Variants in ARMC5 observed in about 807,000 individuals in gnomAD.
ARMC5 encodes armadillo repeat containing 5.
A neutral mutation model predicts 60.5 loss-of-function variants in ARMC5; 28 were observed. The ratio of observed to expected loss-of-function variants is 0.46; its 90% CI spans 0.34 to 0.63. ARMC5 has a LOEUF of 0.63. Ranked by LOEUF, ARMC5 falls within the 30% of genes least tolerant of loss-of-function variation. The pLI is 0.01. For missense variants in ARMC5, 1,189 were observed against 1,304.9 expected (o/e 0.91, Z 1.37); for synonymous variants, 680 against 607.3 (o/e 1.12, Z -1.76).
In ARMC5 at chr16:31,466,631, G is replaced by A. The variant is rs2082362921; in HGVS notation, c.2550G>A (p.Glu850=). The A allele has an allele frequency of 6.3e-7, 1 of 1,598,226 alleles. No individual in the cohort carries two copies. Among genetic ancestry groups the A allele is most frequent in the Non-Finnish European group, 8.5e-7 (1 of 1,172,862 alleles). ...GRFLLPGLEE[E]LEEAVGRIHL... ...TCCTACTGCCTGGGCTGGAGGAGGA[G>A]CTGGAAGAGGCCGTGGGCCGCATCC... The change falls in exon 6 of 6, where the codon GAG becomes GAA. Residue 850 remains glutamate, a synonymous_variant. Transcript: ENST00000268314. This position sits in a 1 kb window ranked among gnomAD's most constrained non-coding sequence, Gnocchi z 8.0.
chr16:31,464,443 C>G lies in ARMC5; in HGVS notation c.1420C>G (p.Pro474Ala), dbSNP rs1298369153. The G allele has an allele frequency of 4.4e-6, 7 of 1,579,598 alleles. No individual in the cohort carries two copies. The highest frequency in any genetic ancestry group is 4.3e-6 in the Non-Finnish European group (5 of 1,165,804). ...TGCCACAGGCCCTGATGACATCTCC[C>G]CCGACTGGTCTCCTGAGCAGTGTCC... is the stretch of plus-strand genomic sequence containing the variant. ...GYATGPDDIS[P>A]DWSPEQCPPE... Residue 474 changes from proline (P) to alanine (A), a missense_variant, in exon 4 of 6, where the codon CCC (proline) becomes GCC (alanine). By Grantham distance (27) the Pro-to-Ala change is conservative (BLOSUM62 -1). Transcript: ENST00000268314. The surrounding 1 kb of genome is among the most constrained non-coding windows in gnomAD (Gnocchi z 7.6).
intron 4 of ARMC5, chr16:31,465,541 G>A: frequency 2.1e-6 from 2 of 969,440 alleles, no homozygotes; most frequent in Non-Finnish European, 2.8e-6. Flanking sequence ...ATCTATATCT[G>A]GTATAACTAT....
chr16:31,466,110 G>A lies in ARMC5; in HGVS notation c.2029G>A (p.Glu677Lys). The change falls in exon 6 of 6, where the codon GAG becomes AAG. Residue 677 changes from glutamate to lysine, a missense_variant. This residue lies in a region of ARMC5 where 862 missense variants were observed against 1,071.2 expected (regional missense o/e 0.80). Transcript: ENST00000268314. This position sits in a 1 kb window ranked among gnomAD's most constrained non-coding sequence, Gnocchi z 8.0. ...KPSLWRRLLL[E>K]QGGLRLLLAA... is the part of the protein sequence containing the mutation. ...CTCTCTGTGGCGCCGGCTGCTTCTG[G>A]AGCAGGGTGGTCTCCGGCTCCTCCT... The A allele has an allele frequency of 6.2e-7, 1 of 1,601,978 alleles. No individual in the cohort carries two copies. The highest frequency in any genetic ancestry group is 8.5e-7 in the Non-Finnish European group (1 of 1,179,374).
intron 4 of ARMC5, 54 bp from the exon 5 acceptor site, chr16:31,465,796 C>T: frequency 6.2e-7 from 1 of 1,600,440 alleles, no homozygotes; most frequent in Non-Finnish European, 8.5e-7. Flanking sequence ...CTGTCTCACT[C>T]ACCCCACCTG....
intron 1 of ARMC5, among the ~76,000 whole-genome samples, chr16:31,460,813 G>A (rs1465423823): frequency 6.6e-6 from 1 of 152,214 alleles, no homozygotes; most frequent in Admixed American, 6.5e-5. Context: ...AACCAGCACA[G>A]TAAGAACAAA....
rs1282982657 is a variant in ARMC5 at position 31,462,888 on chromosome 16, G to T, written c.1341G>T (p.Arg447=). 1 of 1,608,494 alleles carries T rather than the reference G, an allele frequency of 6.2e-7. No individual in the cohort carries two copies. Among genetic ancestry groups the T allele is most frequent in the Admixed American group, 1.7e-5 (1 of 59,420 alleles). ...WDFPEERTPE[R]AQGGSFRSLR... is the part of the protein sequence containing the mutation. ...TTCCTGAGGAGAGGACCCCTGAGCG[G>T]GCACAGGGTGGAAGCTTCCGGAGCC... Residue 447 remains arginine (R), a synonymous_variant, in exon 3 of 6, where the codon CGG becomes CGT. Coordinates refer to ENST00000268314, the MANE Select transcript of ARMC5 (RefSeq NM_001105247.2). The surrounding 1 kb of genome is among the most constrained non-coding windows in gnomAD (Gnocchi z 7.2).
At chr16:31,463,016 T>C (rs1173327981) in intron 3 of ARMC5, 99 bp downstream of exon 3, 38 of 1,242,900 alleles carry the variant, frequency 3.1e-5, no homozygotes, top group Non-Finnish European at 4.0e-5. Context: ...CTATTCTGTC[T>C]GAATAAGACT....
Position 31,462,164 on chromosome 16 carries a change from C to T in ARMC5, c.617C>T (p.Ala206Val). The change falls in exon 3 of 6, where the codon GCC becomes GTC. Residue 206 changes from alanine (A) to valine (V), a missense_variant. Physicochemically the swap from Ala to Val is moderately conservative, Grantham distance 64 (BLOSUM62 0). Coordinates refer to ENST00000268314, the MANE Select transcript of ARMC5 (RefSeq NM_001105247.2). This position sits in a 1 kb window ranked among gnomAD's most constrained non-coding sequence, Gnocchi z 7.2. ...AVPLLVESLT[A>V]CQDSQCLQSV... ...CCCCTGCTTGTGGAGAGCCTGACAG[C>T]CTGCCAGGACTCGCAGTGCCTACAG... The T allele has an allele frequency of 6.2e-7, 1 of 1,612,682 alleles. No homozygotes were observed. The highest frequency in any genetic ancestry group is 1.1e-5 in the South Asian group (1 of 91,012).
At chr16:31,461,823 C>T (rs541784952) in intron 1 of ARMC5, 99 bp from the exon 2 acceptor site, 1 of 1,120,600 alleles carries the variant, frequency 8.9e-7, no homozygotes, top group East Asian at 2.5e-5. Flanking sequence ...TTAGCCTCTT[C>T]TGAAAGCCTT....
At position 31,462,274 on chromosome 16, in the gene ARMC5, G is replaced by A; in HGVS notation, c.727G>A (p.Ala243Thr). 6.2e-7 allele frequency: 1 copy of A among 1,609,576 alleles called. No individual in the cohort carries two copies. ...ACAGCAGGGAGCAGTGCGTCCGCTG[G>A]CCGAGCTCCTGGCCACTGCCCCAGA... ...LAQQGAVRPLAELLATAPDAA... is the reference protein window; with the variant it reads ...LAQQGAVRPLTELLATAPDAA... The change falls in exon 3 of 6, where the codon GCC becomes ACC. Residue 243 changes from alanine (A) to threonine (T), a missense_variant. This residue lies in a region of ARMC5 where 862 missense variants were observed against 1,071.2 expected (regional missense o/e 0.80). Transcript: ENST00000268314. This position sits in a 1 kb window ranked among gnomAD's most constrained non-coding sequence, Gnocchi z 7.2.
rs747250546 is a variant in ARMC5, at chr16:31,459,589, C to T, written c.65C>T (p.Ala22Val). 7.6e-5 allele frequency: 122 copies of T among 1,602,380 alleles called. No homozygotes were observed. The highest frequency in any genetic ancestry group is 9.8e-5 in the Non-Finnish European group (115 of 1,179,324). Reference sequence around the variant, plus strand: ...TTCTGCCTCGCGCAGCTCGCGGCGGCGGCCGGGGAGGCTCTGGGTGGGGAA... The same window carrying T: ...TTCTGCCTCGCGCAGCTCGCGGCGGTGGCCGGGGAGGCTCTGGGTGGGGAA... ...LSFCLAQLAA[A>V]AGEALGGEKD... The change falls in exon 1 of 6, where the codon GCG (alanine) becomes GTG (valine). Residue 22 changes from alanine to valine, a missense_variant. Coordinates refer to ENST00000268314, the MANE Select transcript of ARMC5 (RefSeq NM_001105247.2).
chr16:31,465,501 A>T, intron 4 of ARMC5: 2 of 805,338 alleles, frequency 2.5e-6, no homozygotes. Flanking sequence ...ACTACAAACT[A>T]ATGATTAATG....
chr16:31,467,027 T>C lies in ARMC5; in HGVS notation c.*138T>C. 1 of 1,168,430 alleles carries C rather than the reference T, an allele frequency of 8.6e-7. No individual in the cohort carries two copies. 72.4% of individuals were successfully genotyped at this position (1,168,430 alleles called of 1,614,324 possible). ...GAGAACATGGAACCGGACTCCAAGA[T>C]GACGATCTAAAGACCCGGGAGCGAG... On this transcript the variant is annotated 3_prime_UTR_variant, in exon 6 of 6. Transcript: ENST00000268314.
In ARMC5 at chr16:31,459,847, G is replaced by C. The variant is rs1312540780; in HGVS notation, c.323G>C (p.Gly108Ala). 2 of 1,581,494 alleles carry C rather than the reference G, an allele frequency of 1.3e-6. No individual in the cohort carries two copies. The highest frequency in any genetic ancestry group is 1.8e-5 in the Admixed American group (1 of 56,284). The change falls in exon 1 of 6, where the codon GGC becomes GCC. Residue 108 changes from glycine (G) to alanine (A), a missense_variant. Coordinates refer to ENST00000268314, the MANE Select transcript of ARMC5 (RefSeq NM_001105247.2). ...SGASSPAPAS[G>A]PAPSAVSSSS... ...GCTTCTAGCCCCGCCCCCGCGTCGG[G>C]CCCCGCCCCCTCCGCTGTGTCGTCG...
At position 31,464,790 on chromosome 16, in the gene ARMC5, G is replaced by C. The variant is rs748902046; in HGVS notation, c.1767G>C (p.Ala589=). 1.3e-6 allele frequency: 2 copies of C among 1,598,656 alleles called. No homozygotes were observed. Among genetic ancestry groups the C allele is most frequent in the South Asian group, 1.1e-5 (1 of 90,890 alleles). The change falls in exon 4 of 6, where the codon GCG becomes GCC. Residue 589 remains alanine (A), a synonymous_variant. Transcript: ENST00000268314. The surrounding 1 kb of genome is among the most constrained non-coding windows in gnomAD (Gnocchi z 7.6). The part of the protein sequence containing the change: ...CLEAFVRSYG[A]ALLRAWLVLG... Reference sequence around the variant, plus strand: ...AGGCCTTCGTGCGCAGCTATGGCGCGGCGCTGCTGCGGGCCTGGCTGGTGC... The same window carrying C: ...AGGCCTTCGTGCGCAGCTATGGCGCCGCGCTGCTGCGGGCCTGGCTGGTGC...
rs1383319149 is a variant in ARMC5, at chr16:31,466,545, C to T, written c.2464C>T (p.Pro822Ser). 1.2e-6 allele frequency: 2 copies of T among 1,608,396 alleles called. No individual in the cohort carries two copies. The highest frequency in any genetic ancestry group is 1.7e-6 in the Non-Finnish European group (2 of 1,179,298). ...GCGAALGPVPPPGQPLLGSEA... is the reference protein window; with the variant it reads ...GCGAALGPVPSPGQPLLGSEA... ...TGGGGCTGCCCTGGGGCCCGTGCCC[C>T]CACCAGGCCAGCCCCTGCTGGGTTC... is the stretch of plus-strand genomic sequence containing the variant. Residue 822 changes from proline (P) to serine (S), a missense_variant, in exon 6 of 6, where the codon CCA becomes TCA. By Grantham distance (74) the Pro-to-Ser change is moderately conservative. This residue lies in a region of ARMC5 where 862 missense variants were observed against 1,071.2 expected (regional missense o/e 0.80). Coordinates refer to ENST00000268314, the MANE Select transcript of ARMC5 (RefSeq NM_001105247.2). This position sits in a 1 kb window ranked among gnomAD's most constrained non-coding sequence, Gnocchi z 8.0.
chr16:31,461,998 A>G lies in ARMC5; in HGVS notation c.552A>G (p.Glu184=). Residue 184 remains glutamate (E), a synonymous_variant, in exon 2 of 6, where the codon GAA becomes GAG. Transcript: ENST00000268314. ...GTGCCCTGGGGAACTTAGCCATGGA[A>G]CCTGAGAGCTGTGGGGACATCCACT... ...TARALGNLAM[E]PESCGDIHCA... is the part of the protein sequence containing the mutation. 1 of 1,614,194 alleles carries G rather than the reference A, an allele frequency of 6.2e-7. No individual in the cohort carries two copies. Among genetic ancestry groups the G allele is most frequent in the Non-Finnish European group, 8.5e-7 (1 of 1,180,018 alleles).
At chr16:31,459,174 G>T, upstream of ARMC5, 1 of 1,514,380 alleles carries the variant, frequency 6.6e-7, no homozygotes, top group African/African-American at 1.4e-5. Context: ...GGCGGGGCAC[G>T]GCACGAAGGC....
chr16:31,462,189 G>A lies in ARMC5; in HGVS notation c.642G>A (p.Gln214=). The change falls in exon 3 of 6, where the codon CAG becomes CAA. Residue 214 remains glutamine (Q), a synonymous_variant. Transcript: ENST00000268314. The surrounding 1 kb of genome is among the most constrained non-coding windows in gnomAD (Gnocchi z 7.2). The part of the protein sequence containing the change: ...LTACQDSQCL[Q]SVVRALRNLA... Reference sequence around the variant, plus strand: ...CCTGCCAGGACTCGCAGTGCCTACAGAGCGTGGTGCGTGCCCTCCGTAACC... The same window carrying A: ...CCTGCCAGGACTCGCAGTGCCTACAAAGCGTGGTGCGTGCCCTCCGTAACC... The A allele has an allele frequency of 6.2e-7, 1 of 1,612,358 alleles. No individual in the cohort carries two copies. Among genetic ancestry groups the A allele is most frequent in the Non-Finnish European group, 8.5e-7 (1 of 1,180,026 alleles).
Sources: gnomAD v4.1 joint callset for allele counts (sites outside exome capture counted in the v4.1 genomes callset) on GRCh38, gnomAD v4.1.1 for gene constraint, gnomAD v4.1.1 regional missense constraint, Gnocchi (gnomAD v3.1) non-coding constraint, MANE v1.5 for transcripts, NCBI Gene and HGNC (gene_info 2026-07-23, HGNC 2026-07-21) for gene names.